Variants in CORO1C observed in about 807,000 individuals in gnomAD.
The protein encoded by CORO1C is coronin-1C.
A neutral mutation model predicts 51.2 loss-of-function variants in CORO1C; 14 were observed. That is an observed-to-expected ratio of 0.27 (90% CI 0.18 to 0.43). The LOEUF is 0.43. CORO1C is among the 20% of genes least tolerant of loss of function. CORO1C has a pLI of 1.00. For missense variants in CORO1C, 417 were observed against 607.8 expected, an observed-to-expected ratio of 0.69 and a Z score of 3.30; for synonymous variants, 181 against 210.5, an observed-to-expected ratio of 0.86 and a Z score of 1.21.
In CORO1C at chr12:108,723,104, A is replaced by G. The variant is rs146232868; in HGVS notation, c.-6+8325T>C. On this transcript the variant is annotated intron_variant, in intron 1 of 10. Coordinates refer to ENST00000261401, the MANE Select transcript of CORO1C (RefSeq NM_014325.4). Reference sequence around the variant, plus strand: ...AGCCTCTCTCTTGCTTGCCAAGAAAAACTAGGATGACATTGTTAAGCTAAA... The same window carrying G: ...AGCCTCTCTCTTGCTTGCCAAGAAAGACTAGGATGACATTGTTAAGCTAAA... 3.6e-3 allele frequency among the ~76,000 whole-genome samples: 541 copies of G among 152,278 alleles called. 4 individuals are homozygous for G. Among genetic ancestry groups the G allele is most frequent in the African/African-American group, 0.013 (520 of 41,548 alleles).
At chr12:108,652,749 A>G (rs2032735618) in intron 7 of CORO1C, among the ~76,000 whole-genome samples, 1 of 152,214 alleles carries the variant, frequency 6.6e-6, no homozygotes, top group Non-Finnish European at 1.5e-5. Context: ...TTGCAATTCA[A>G]CTGTGAAAAA....
intron 1 of CORO1C, among the ~76,000 whole-genome samples, chr12:108,725,377 T>C (rs1427053579): frequency 3.9e-5 from 6 of 152,242 alleles, no homozygotes; most frequent in Non-Finnish European, 7.3e-5. Context: ...AACAGGAATG[T>C]ATTCAGTACC....
At chr12:108,659,056 G>T in intron 4 of CORO1C, 137 bp from the exon 5 acceptor site, 1 of 905,794 alleles carries the variant, frequency 1.1e-6, no homozygotes, top group Non-Finnish European at 1.5e-6. Context: ...GAGAAAAGAT[G>T]CGGCTGATTG....
chr12:108,709,196 A>C (rs2035113161), intron 1 of CORO1C, among the ~76,000 whole-genome samples: 1 of 152,108 alleles, frequency 6.6e-6, no homozygotes, highest in Non-Finnish European at 1.5e-5. Context: ...TATATCTCCA[A>C]ACTGTTTTTT....
intron 2 of CORO1C, among the ~76,000 whole-genome samples, chr12:108,692,794 CTTTTTT>C (rs11447073): frequency 2.7e-5 from 3 of 111,660 alleles, no homozygotes; most frequent in African/African-American, 1.0e-4. Flanking sequence ...TAGACCACAG[CTTTTTT>C]TTTTTTTTTT....
At chr12:108,653,702 A>AT (rs2032794001) in intron 7 of CORO1C, among the ~76,000 whole-genome samples, 1 of 152,160 alleles carries the variant, frequency 6.6e-6, no homozygotes, top group Admixed American at 6.5e-5. Context: ...GAGTCTCCCT[A>AT]TAACTGTTAT....
Position 108,645,729 on chromosome 12 carries a change from ACC to A in CORO1C, c.*1672_*1673del, listed in dbSNP as rs2032326453. The A allele has an allele frequency of 6.6e-6, 1 of 152,006 alleles. No homozygotes were observed. Among genetic ancestry groups the A allele is most frequent in the Non-Finnish European group, 1.5e-5 (1 of 68,010 alleles). The allele number at this position is 152,006 out of a possible 1,614,324, so 9.4% of individuals were successfully genotyped here. On this transcript the variant is annotated 3_prime_UTR_variant, in exon 11 of 11. Transcript: ENST00000261401. ...TCGGCTGTCACCACACTCTGCCCTC[ACC>A]CTGGCTCCCTGCATACAGACGTTTC...
intron 10 of CORO1C, 55 bp from the exon 11 acceptor site, chr12:108,647,577 A>T (rs2032421271): frequency 7.9e-7 from 1 of 1,264,424 alleles, no homozygotes; most frequent in South Asian, 1.3e-5. Context: ...AAAGTTCAAC[A>T]CTGTTCAAAA....
intron 8 of CORO1C, among the ~76,000 whole-genome samples, chr12:108,650,771 AGTCT>A (rs1221876003): frequency 6.6e-6 from 1 of 152,276 alleles, no homozygotes; most frequent in Non-Finnish European, 1.5e-5. Context: ...CTGTGTTTAT[AGTCT>A]GTCGAACTTT....
intron 8 of CORO1C, chr12:108,649,266 C>T (rs1002565762): frequency 1.7e-5 from 9 of 543,530 alleles, no homozygotes; most frequent in African/African-American, 9.5e-5. Flanking sequence ...TAGAGGTCTA[C>T]GTATGATGAT....
chr12:108,704,289 T>C (rs1015038147), intron 1 of CORO1C, among the ~76,000 whole-genome samples: 1 of 152,026 alleles, frequency 6.6e-6, no homozygotes, highest in African/African-American at 2.4e-5. Flanking sequence ...CTGGCCAACA[T>C]GGTGAAACCC....
At chr12:108,652,484 T>C (rs752141777) in intron 7 of CORO1C, 67 bp from the exon 8 acceptor site, 13 of 1,353,272 alleles carry the variant, frequency 9.6e-6, no homozygotes, top group Non-Finnish European at 1.4e-5. Flanking sequence ...TGGGGGTGTC[T>C]CTCTCCTCTA....
chr12:108,683,876 A>G (rs1437062933), intron 2 of CORO1C, among the ~76,000 whole-genome samples: 2 of 152,244 alleles, frequency 1.3e-5, no homozygotes, highest in South Asian at 4.1e-4. Context: ...AGAAAAAAGA[A>G]AAGTGCCACT....
At chr12:108,709,690 A>G (rs2035126028) in intron 1 of CORO1C, among the ~76,000 whole-genome samples, 1 of 152,208 alleles carries the variant, frequency 6.6e-6, no homozygotes, top group South Asian at 2.1e-4. Flanking sequence ...CTAAAACTAA[A>G]GCATTTTATA....
chr12:108,678,009 A>T (rs992955633), intron 3 of CORO1C, among the ~76,000 whole-genome samples: 6 of 148,770 alleles, frequency 4.0e-5, no homozygotes, highest in Non-Finnish European at 8.9e-5. Flanking sequence ...ACAGAGCAAG[A>T]CTCCATCTCA....
At chr12:108,668,538 A>G (rs938358148) in intron 3 of CORO1C, 6 of 152,190 alleles carry the variant, frequency 3.9e-5, no homozygotes, top group African/African-American at 1.4e-4. Flanking sequence ...ATATTAGGAA[A>G]ATTTATAATG....
intron 2 of CORO1C, among the ~76,000 whole-genome samples, chr12:108,688,842 C>T (rs966594273): frequency 2.6e-5 from 4 of 152,066 alleles, no homozygotes; most frequent in African/African-American, 9.7e-5. Context: ...CCAGCCTGGC[C>T]AAAATGGTGA....
intron 2 of CORO1C, among the ~76,000 whole-genome samples, chr12:108,694,279 C>CAAAAAAAAAAAAAA (rs60647143): frequency 1.5e-5 from 1 of 66,228 alleles, no homozygotes; most frequent in Non-Finnish European, 2.7e-5. Flanking sequence ...AAGACTGTCT[C>CAAAAAAAAAAAAAA]AAAAAAAAAA....
At chr12:108,686,296 T>C (rs1263894313) in intron 2 of CORO1C, among the ~76,000 whole-genome samples, 3 of 152,246 alleles carry the variant, frequency 2.0e-5, no homozygotes, top group African/African-American at 7.2e-5. Context: ...CAACACAGTT[T>C]ACCTGAACCT....
Sources: allele counts gnomAD v4.1 joint callset (sites outside exome capture counted in the v4.1 genomes callset), GRCh38; gene constraint gnomAD v4.1.1; transcripts MANE v1.5; gene names NCBI Gene and HGNC (gene_info 2026-07-23, HGNC 2026-07-21).